The following SNORC variants were observed in gnomAD, a reference collection of about 807,000 sequenced individuals.
SNORC encodes protein SNORC.
In SNORC, 11 loss-of-function variants were observed where a neutral mutation model predicts 9.7. That is an observed-to-expected ratio of 1.14 (90% confidence interval 0.72 to 1.88). The LOEUF is 1.88. Ranked by LOEUF, SNORC falls within the 40% of genes most tolerant of loss-of-function variation. The pLI is 0.00. For missense variants in SNORC, 197 were observed against 173.1 expected (o/e 1.14, Z -0.77); for synonymous variants, 108 against 88.7 (o/e 1.22, Z -1.22).
At chr2:232,867,356 A>G (rs757034565), upstream of SNORC, among the ~76,000 whole-genome samples, 6 of 152,194 alleles carry the variant, frequency 3.9e-5, no homozygotes, top group Non-Finnish European at 7.3e-5. Flanking sequence ...CTAGAGTTCT[A>G]TATGTGTTAG....
chr2:232,867,155 A>G (rs1362882591), upstream of SNORC, among the ~76,000 whole-genome samples: 1 of 152,210 alleles, frequency 6.6e-6, no homozygotes, highest in Non-Finnish European at 1.5e-5. Context: ...TGAGCCATAA[A>G]TTGGGTTTAT....
chr2:232,876,314 G>A lies in SNORC; in HGVS notation c.324G>A (p.Leu108=). The A allele has an allele frequency of 6.5e-7, 1 of 1,549,742 alleles. No individual in the cohort carries two copies. The highest frequency in any genetic ancestry group is 8.7e-7 in the Non-Finnish European group (1 of 1,151,602). Residue 108 remains leucine (L), a synonymous_variant, in exon 3 of 3, where the codon CTG becomes CTA. Transcript: ENST00000331342. The surrounding 1 kb of genome is among the most constrained non-coding windows in gnomAD (Gnocchi z 6.8). Reference sequence around the variant, plus strand: ...CCCTGCTGGCCACCTGCGTGGTGCTGGCGCTCGTGGTCGTCGCGCTGAGAA... The same window carrying A: ...CCCTGCTGGCCACCTGCGTGGTGCTAGCGCTCGTGGTCGTCGCGCTGAGAA...
chr2:232,874,781 C>G (rs1022619489), intron 1 of SNORC, among the ~76,000 whole-genome samples: 3 of 152,258 alleles, frequency 2.0e-5, no homozygotes, highest in African/African-American at 7.2e-5. Context: ...GGTCTGTTCA[C>G]AGAACGGCAG....
downstream of SNORC, chr2:232,876,537 C>G: frequency 8.3e-7 from 1 of 1,198,894 alleles, no homozygotes; most frequent in South Asian, 4.1e-5. The surrounding 1 kb of genome is among the most constrained non-coding windows in gnomAD (Gnocchi z 6.8). Flanking sequence ...CGCGCGGGTC[C>G]GGAGGCGCGC....
chr2:232,870,462 C>A, intron 1 of SNORC, 48 bp downstream of exon 1: 3 of 1,506,634 alleles, frequency 2.0e-6, no homozygotes, highest in Non-Finnish European at 2.7e-6. Context: ...CTCCCAGGGC[C>A]GATAACTACC....
At position 232,876,273 on chromosome 2, in the gene SNORC, G is replaced by C; in HGVS notation, c.283G>C (p.Ala95Pro). Residue 95 changes from alanine (A) to proline (P), a missense_variant, in exon 3 of 3, where the codon GCC becomes CCC. Coordinates refer to ENST00000331342, the Ensembl canonical transcript of SNORC. This position sits in a 1 kb window ranked among gnomAD's most constrained non-coding sequence, Gnocchi z 6.8. ...GTCGCTGGGGCCCGGCGCTATCGCGGCCATCGTGATCGCCGCCCTGCTGGC... is the reference window on the plus strand; with the variant it reads ...GTCGCTGGGGCCCGGCGCTATCGCGCCCATCGTGATCGCCGCCCTGCTGGC... 6.6e-7 allele frequency: 1 copy of C among 1,524,612 alleles called. No homozygotes were observed. The highest frequency in any genetic ancestry group is 1.4e-5 in the African/African-American group (1 of 69,570). 94.4% of individuals were successfully genotyped at this position (1,524,612 alleles called of 1,614,324 possible). A position where few individuals can be genotyped will look rare whatever the true frequency, so the allele number is the denominator to read the frequency against.
chr2:232,873,344 G>C (rs1691100855), intron 1 of SNORC, among the ~76,000 whole-genome samples: 1 of 151,966 alleles, frequency 6.6e-6, no homozygotes, highest in Non-Finnish European at 1.5e-5. Flanking sequence ...GGTGGGCGCA[G>C]CAGAGACAGG....
In SNORC at chr2:232,876,243, G is replaced by T. The variant is rs1691235340; in HGVS notation, c.257-4G>T. On this transcript the variant is annotated splice_region_variant and splice_polypyrimidine_tract_variant and intron_variant, in intron 2 of 2. Coordinates refer to ENST00000331342, the Ensembl canonical transcript of SNORC. This position sits in a 1 kb window ranked among gnomAD's most constrained non-coding sequence, Gnocchi z 6.8. ...CAGGTGACATGGTCCTCCGTCCTCCGCAGGGTCGCTGGGGCCCGGCGCTAT... is the reference window on the plus strand; with the variant it reads ...CAGGTGACATGGTCCTCCGTCCTCCTCAGGGTCGCTGGGGCCCGGCGCTAT... 4 of 1,502,788 alleles carry T rather than the reference G, an allele frequency of 2.7e-6. No individual in the cohort carries two copies. Among genetic ancestry groups the T allele is most frequent in the South Asian group, 2.5e-5 (2 of 80,468 alleles). 93.1% of individuals were successfully genotyped at this position (1,502,788 alleles called of 1,614,324 possible). A position where few individuals can be genotyped will look rare whatever the true frequency, so the allele number is the denominator to read the frequency against.
chr2:232,877,418 C>A, downstream of SNORC: 1 of 955,776 alleles, frequency 1.0e-6, no homozygotes, highest in Non-Finnish European at 1.2e-6. Flanking sequence ...GGAACTTGGT[C>A]CCTACCCCAG....
chr2:232,868,832 G>A (rs569268043), upstream of SNORC, among the ~76,000 whole-genome samples: 28 of 152,262 alleles, frequency 1.8e-4, no homozygotes, highest in South Asian at 5.8e-3. Flanking sequence ...GCACACCCCT[G>A]TCTAGAATGT....
At chr2:232,872,406 C>A (rs1025925678) in intron 1 of SNORC, among the ~76,000 whole-genome samples, 1 of 152,194 alleles carries the variant, frequency 6.6e-6, no homozygotes, top group Non-Finnish European at 1.5e-5. Flanking sequence ...GGCCTCAGGG[C>A]CCTGTGGTCA....
chr2:232,877,018 G>A (rs1275858976), downstream of SNORC: 1 of 985,492 alleles, frequency 1.0e-6, no homozygotes, highest in Non-Finnish European at 1.2e-6. Context: ...GGCTCTCCCA[G>A]CCAGAGGCCG....
At chr2:232,870,380 G>T in exon 1 of SNORC, 1 of 1,571,548 alleles carries the variant, frequency 6.4e-7, no homozygotes, top group Non-Finnish European at 8.6e-7. Flanking sequence ...CGCTGCTGCT[G>T]GTCTCCGGGG....
At chr2:232,875,223 C>T (rs888078006) in intron 1 of SNORC, among the ~76,000 whole-genome samples, 1 of 152,216 alleles carries the variant, frequency 6.6e-6, no homozygotes, top group African/African-American at 2.4e-5. Context: ...CCTGTAGTCC[C>T]AGCTACTCCG....
At chr2:232,870,093 C>CT (rs532236932), upstream of SNORC, among the ~76,000 whole-genome samples, 866 of 146,296 alleles carry the variant, frequency 5.9e-3, 3 homozygotes, top group African/African-American at 0.021. Flanking sequence ...GCAATTTCCT[C>CT]TTTCCCTCTC....
chr2:232,876,398 T>A, downstream of SNORC: 2 of 1,505,862 alleles, frequency 1.3e-6, no homozygotes, highest in South Asian at 1.2e-5. This position sits in a 1 kb window ranked among gnomAD's most constrained non-coding sequence, Gnocchi z 6.8. Context: ...GCGACTCGGC[T>A]GCACTCCTCA....
At chr2:232,877,268 C>G (rs1034099448), downstream of SNORC, 7 of 985,370 alleles carry the variant, frequency 7.1e-6, no homozygotes, top group African/African-American at 8.7e-5. Flanking sequence ...TTTCCCAGCT[C>G]TACTCACCTC....
At chr2:232,871,989 A>G (rs921241556) in intron 1 of SNORC, among the ~76,000 whole-genome samples, 1 of 152,210 alleles carries the variant, frequency 6.6e-6, no homozygotes, top group Non-Finnish European at 1.5e-5. Flanking sequence ...GGGGACAGCC[A>G]GGACCTCACC....
At chr2:232,876,769 G>A (rs953945916), downstream of SNORC, 4 of 985,236 alleles carry the variant, frequency 4.1e-6, no homozygotes, top group African/African-American at 5.2e-5. This position sits in a 1 kb window ranked among gnomAD's most constrained non-coding sequence, Gnocchi z 6.8. Context: ...GTCTTAGCCC[G>A]TCCGGGGGCA....
Sources: gnomAD v4.1 joint callset for allele counts (sites outside exome capture counted in the v4.1 genomes callset) on GRCh38, gnomAD v4.1.1 for gene constraint, Gnocchi (gnomAD v3.1) non-coding constraint, MANE v1.5 for transcripts, NCBI Gene and HGNC (gene_info 2026-07-23, HGNC 2026-07-21) for gene names.